SGPP2: variants seen among roughly 807,000 people sequenced by gnomAD.
SGPP2 encodes sphingosine-1-phosphate phosphatase 2, also known as sphingosine 1-phosphate phosphohydrolase 2.
A neutral mutation model predicts 33.9 loss-of-function variants in SGPP2; 30 were observed. The observed-to-expected ratio is 0.89, with a 90% confidence interval of 0.66 to 1.20. The LOEUF is 1.20. Among genes scored for constraint, SGPP2 ranks in the 50% most tolerant of loss-of-function variants. The probability of loss-of-function intolerance (pLI) is 0.00; values close to 1 mark genes in which losing one functional copy is unlikely to be tolerated. For missense variants in SGPP2, 458 were observed against 532.1 expected (o/e 0.86, Z 1.37); for synonymous variants, 233 against 225.0 (o/e 1.04, Z -0.32).
In SGPP2 at chr2:222,562,406, G is replaced by A. The variant is rs540626862; in HGVS notation, c.*3508G>A. Among the ~76,000 whole-genome samples, 11 of 152,230 alleles carry A rather than the reference G, an allele frequency of 7.2e-5. No individual in the cohort carries two copies. The East Asian group carries it at 1.9e-3, about 27-fold the overall frequency. On this transcript the variant is annotated 3_prime_UTR_variant, in exon 5 of 5. Transcript: ENST00000321276. Reference sequence around the variant, plus strand: ...GCAGTGGCTGGAATTACTCCAAAACGTGCCCAGTGATCGCACTGTAACATG... The same window carrying A: ...GCAGTGGCTGGAATTACTCCAAAACATGCCCAGTGATCGCACTGTAACATG...
intron 2 of SGPP2, among the ~76,000 whole-genome samples, chr2:222,483,273 GAA>G (rs2106104056): frequency 6.6e-6 from 1 of 152,084 alleles, no homozygotes; most frequent in African/African-American, 2.4e-5. Flanking sequence ...TGCTTTAAAG[GAA>G]AATGCGTAAT....
At chr2:222,459,396 T>G (rs1697624840) in intron 1 of SGPP2, among the ~76,000 whole-genome samples, 6 of 152,088 alleles carry the variant, frequency 3.9e-5, no homozygotes, top group Admixed American at 3.9e-4. Flanking sequence ...ATGATCTGCC[T>G]GCCTCGGCCT....
intron 2 of SGPP2, among the ~76,000 whole-genome samples, chr2:222,495,059 C>G (rs1315995154): frequency 6.6e-6 from 1 of 151,058 alleles, no homozygotes; most frequent in Non-Finnish European, 1.5e-5. Context: ...AAAACAAAAA[C>G]AAAAGTTGCT....
intron 1 of SGPP2, among the ~76,000 whole-genome samples, chr2:222,425,611 G>T (rs905645663): frequency 5.9e-5 from 9 of 152,222 alleles, no homozygotes; most frequent in African/African-American, 2.2e-4. Flanking sequence ...CAGACGGGCT[G>T]CACTTGGCTT....
intron 4 of SGPP2, among the ~76,000 whole-genome samples, chr2:222,548,196 T>C (rs565488203): frequency 2.0e-5 from 3 of 152,348 alleles, no homozygotes; most frequent in African/African-American, 7.2e-5. Flanking sequence ...TTGAACAAAG[T>C]ACTTTCCCTT....
At chr2:222,554,009 C>T (rs1025457580) in intron 4 of SGPP2, among the ~76,000 whole-genome samples, 3 of 152,112 alleles carry the variant, frequency 2.0e-5, no homozygotes, top group Admixed American at 6.5e-5. Context: ...GTAGAGGACA[C>T]AGTGAGGGTC....
intron 4 of SGPP2, among the ~76,000 whole-genome samples, chr2:222,546,216 T>A (rs749150867): frequency 2.0e-5 from 3 of 152,206 alleles, no homozygotes; most frequent in Non-Finnish European, 4.4e-5. Context: ...TAAAATTAAT[T>A]CATGTGCATA....
At chr2:222,461,609 T>C (rs566927508) in intron 1 of SGPP2, among the ~76,000 whole-genome samples, 6 of 152,006 alleles carry the variant, frequency 3.9e-5, no homozygotes, top group African/African-American at 1.4e-4. Flanking sequence ...GATGGTCCCA[T>C]CTAAGGGTGA....
chr2:222,536,686 A>C (rs1242754589), intron 4 of SGPP2, among the ~76,000 whole-genome samples: 1 of 152,194 alleles, frequency 6.6e-6, no homozygotes, highest in Non-Finnish European at 1.5e-5. Context: ...TCTCCAAAAA[A>C]AATAAAAAAA....
chr2:222,475,006 TC>T (rs977093352), intron 2 of SGPP2, among the ~76,000 whole-genome samples: 64 of 152,284 alleles, frequency 4.2e-4, no homozygotes, highest in African/African-American at 1.4e-3. Context: ...CTCCCAAAAT[TC>T]TAATCTTGTG....
chr2:222,437,944 C>T (rs1697269371), intron 1 of SGPP2, among the ~76,000 whole-genome samples: 1 of 152,200 alleles, frequency 6.6e-6, no homozygotes, highest in Non-Finnish European at 1.5e-5. Context: ...ACCTCAAGCA[C>T]CATTGGATCT....
chr2:222,474,470 A>T (rs1697898313), intron 1 of SGPP2, 98 bp from the exon 2 acceptor site: 3 of 1,034,432 alleles, frequency 2.9e-6, no homozygotes, highest in Non-Finnish European at 4.3e-6. Flanking sequence ...GAGAGGAGAC[A>T]GCGTCTTGGC....
intron 2 of SGPP2, among the ~76,000 whole-genome samples, chr2:222,501,991 C>T (rs1242875057): frequency 1.3e-5 from 2 of 152,188 alleles, no homozygotes; most frequent in Non-Finnish European, 2.9e-5. Context: ...CTGGGTACCA[C>T]TAGAATGACC....
intron 4 of SGPP2, among the ~76,000 whole-genome samples, chr2:222,542,567 C>A (rs1187099203): frequency 6.6e-6 from 1 of 152,170 alleles, no homozygotes; most frequent in Non-Finnish European, 1.5e-5. Flanking sequence ...CTTATTTGCA[C>A]TTGTGAATAT....
intron 3 of SGPP2, among the ~76,000 whole-genome samples, chr2:222,522,381 G>A (rs7587061): frequency 0.43 from 65,432 of 152,128 alleles, 16,595 homozygotes; most frequent in East Asian, 0.81. Context: ...GCCTGGGGCC[G>A]CAAAGAGTCT....
intron 4 of SGPP2, among the ~76,000 whole-genome samples, chr2:222,528,261 A>T (rs1031945297): frequency 6.6e-6 from 1 of 152,228 alleles, no homozygotes. Context: ...ATGGATGAAC[A>T]TAGTGTGACA....
chr2:222,451,081 TC>T (rs149282155), intron 1 of SGPP2, among the ~76,000 whole-genome samples: 2,543 of 150,602 alleles, frequency 0.017, 33 homozygotes, highest in South Asian at 0.076. Context: ...AACATTCCCT[TC>T]CCCCATTTCT....
At chr2:222,474,816 T>A in intron 2 of SGPP2, 90 bp downstream of exon 2, 51 of 31,800 alleles carry the variant, frequency 1.6e-3, no homozygotes, top group Non-Finnish European at 2.0e-3. Flanking sequence ...TGTTCTTTCT[T>A]TTTTTTTTTT....
intron 4 of SGPP2, among the ~76,000 whole-genome samples, chr2:222,531,649 G>C (rs887543048): frequency 6.6e-6 from 1 of 152,110 alleles, no homozygotes; most frequent in African/African-American, 2.4e-5. Context: ...AATACCGCTG[G>C]ATATTTTAAA....
Sources: allele counts gnomAD v4.1 joint callset (sites outside exome capture counted in the v4.1 genomes callset), GRCh38; gene constraint gnomAD v4.1.1; transcripts MANE v1.5; gene names NCBI Gene and HGNC (gene_info 2026-07-23, HGNC 2026-07-21).